CDK17: variants seen among roughly 807,000 people sequenced by gnomAD.
The protein encoded by CDK17 is cyclin dependent kinase 17.
Under a neutral mutation model 77.6 loss-of-function variants are expected in CDK17, and 24 were observed. That is an observed-to-expected ratio of 0.31 (90% CI 0.22 to 0.44). The LOEUF is 0.44. Ranked by LOEUF, CDK17 falls within the 20% of genes least tolerant of loss-of-function variation. The pLI, the probability that CDK17 is intolerant of heterozygous loss-of-function variation, is 1.00. For missense variants in CDK17, 429 were observed against 622.5 expected, an observed-to-expected ratio of 0.69 and a Z score of 3.31; for synonymous variants, 203 against 210.4, an observed-to-expected ratio of 0.96 and a Z score of 0.30.
intron 15 of CDK17, 85 bp from the exon 16 acceptor site, chr12:96,280,970 A>G: frequency 1.1e-5 from 12 of 1,100,384 alleles, no homozygotes; most frequent in Non-Finnish European, 1.6e-5. Context: ...TTTATAAAGC[A>G]TATACTGATT....
chr12:96,337,008 C>T (rs1022655695), intron 1 of CDK17, among the ~76,000 whole-genome samples: 2 of 152,124 alleles, frequency 1.3e-5, no homozygotes, highest in Non-Finnish European at 2.9e-5. Context: ...TTATCATATG[C>T]ATATGTATAC....
At chr12:96,347,525 T>G (rs541573045) in intron 1 of CDK17, among the ~76,000 whole-genome samples, 1 of 144,840 alleles carries the variant, frequency 6.9e-6, no homozygotes, top group African/African-American at 2.6e-5. Context: ...AGGATCACAC[T>G]CCAGCCTGGA....
At chr12:96,376,747 AGAGTT>A (rs1953787401) in intron 1 of CDK17, among the ~76,000 whole-genome samples, 1 of 152,256 alleles carries the variant, frequency 6.6e-6, no homozygotes, top group African/African-American at 2.4e-5. Flanking sequence ...ATTATAAAAT[AGAGTT>A]TAGTAATCAG....
At chr12:96,280,334 A>G (rs1952159268) in intron 16 of CDK17, 55 bp from the exon 17 acceptor site, 3 of 1,542,772 alleles carry the variant, frequency 1.9e-6, no homozygotes, top group Non-Finnish European at 2.6e-6. Context: ...TATCCCACAT[A>G]CAGTTATTTG....
At chr12:96,356,690 A>C (rs1257596670) in intron 1 of CDK17, among the ~76,000 whole-genome samples, 1 of 152,372 alleles carries the variant, frequency 6.6e-6, no homozygotes, top group South Asian at 2.1e-4. Context: ...GTAAGAACTT[A>C]GACAAAAATA....
rs1180990129 is a variant in CDK17 at position 96,319,130 on chromosome 12, C to A, written c.283+4818G>T. Among the ~76,000 whole-genome samples the A allele has an allele frequency of 1.0e-3, 151 of 148,840 alleles. 2 individuals carry two copies. The highest frequency in any genetic ancestry group is 1.2e-3 in the Non-Finnish European group (83 of 66,726). On this transcript the variant is annotated intron_variant, in intron 3 of 16. Coordinates refer to ENST00000261211, the MANE Select transcript of CDK17 (RefSeq NM_002595.5). Reference sequence around the variant, plus strand: ...GATAAAGGGGATATCACCACTGATCCCACAGAAATACAAACTACCATCAGA... The same window carrying A: ...GATAAAGGGGATATCACCACTGATCACACAGAAATACAAACTACCATCAGA...
At chr12:96,393,798 T>C (rs929668422) in intron 1 of CDK17, among the ~76,000 whole-genome samples, 5 of 152,088 alleles carry the variant, frequency 3.3e-5, no homozygotes, top group Non-Finnish European at 7.3e-5. Context: ...GAAATAACAT[T>C]ACAAGTCAAT....
intron 1 of CDK17, among the ~76,000 whole-genome samples, chr12:96,349,725 G>C (rs1412823560): frequency 6.6e-6 from 1 of 152,098 alleles, no homozygotes; most frequent in Non-Finnish European, 1.5e-5. Flanking sequence ...AAAGATGCCT[G>C]CTTTCACCAC....
intron 1 of CDK17, among the ~76,000 whole-genome samples, chr12:96,340,570 T>C (rs1249872900): frequency 6.6e-6 from 1 of 152,178 alleles, no homozygotes; most frequent in Non-Finnish European, 1.5e-5. Context: ...TGAAATAGGT[T>C]CCCTGACATT....
At chr12:96,357,308 T>A (rs1020949861) in intron 1 of CDK17, among the ~76,000 whole-genome samples, 2 of 151,816 alleles carry the variant, frequency 1.3e-5, no homozygotes, top group African/African-American at 4.8e-5. Context: ...AAAAAAAATT[T>A]AAAAATAGCC....
intron 1 of CDK17, among the ~76,000 whole-genome samples, chr12:96,343,413 T>G (rs1029601706): frequency 3.3e-5 from 5 of 152,202 alleles, no homozygotes; most frequent in Non-Finnish European, 7.3e-5. Context: ...TGGGAGAATT[T>G]TGTCCTCCAA....
chr12:96,362,529 T>G (rs1447387430), intron 1 of CDK17, among the ~76,000 whole-genome samples: 2 of 152,122 alleles, frequency 1.3e-5, no homozygotes, highest in Admixed American at 6.6e-5. Context: ...TCCACTTTGA[T>G]TTTTATAAAA....
intron 1 of CDK17, among the ~76,000 whole-genome samples, chr12:96,362,979 G>GA (rs1953519405): frequency 6.6e-6 from 1 of 152,076 alleles, no homozygotes; most frequent in African/African-American, 2.4e-5. Flanking sequence ...GATGAAAGAA[G>GA]AAAGACCTCA....
rs549025698 is a variant in CDK17, at chr12:96,337,293, T to C, written c.-29-2428A>G. ...CGTTTTTTGCTCATCTCTTATGCCT[T>C]GCTCAGCTTTTATCTTCTTACCCCC... On this transcript the variant is annotated intron_variant, in intron 1 of 16. Coordinates refer to ENST00000261211, the MANE Select transcript of CDK17 (RefSeq NM_002595.5). Among the ~76,000 whole-genome samples, 3 of 152,134 alleles carry C rather than the reference T, an allele frequency of 2.0e-5. No individual in the cohort carries two copies. The South Asian group carries it at 6.2e-4, about 32-fold the overall frequency.
intron 1 of CDK17, among the ~76,000 whole-genome samples, chr12:96,391,125 TACATAA>T (rs1189570412): frequency 6.6e-6 from 1 of 151,876 alleles, no homozygotes; most frequent in Non-Finnish European, 1.5e-5. Flanking sequence ...GTCAACTGTA[TACATAA>T]ACTACCACAG....
chr12:96,325,078 T>C (rs117243894), intron 2 of CDK17, among the ~76,000 whole-genome samples: 2,109 of 152,324 alleles, frequency 0.014, 28 homozygotes, highest in Non-Finnish European at 0.02. Flanking sequence ...CAGGAATCTC[T>C]TGACTCCTTT....
At chr12:96,384,743 A>G (rs989332464) in intron 1 of CDK17, among the ~76,000 whole-genome samples, 5 of 152,176 alleles carry the variant, frequency 3.3e-5, no homozygotes, top group African/African-American at 4.8e-5. Context: ...ACAGCTGAGC[A>G]GGGTGGCTAA....
chr12:96,369,797 T>C (rs1335480472), intron 1 of CDK17, among the ~76,000 whole-genome samples: 1 of 151,830 alleles, frequency 6.6e-6, no homozygotes, highest in Non-Finnish European at 1.5e-5. Context: ...ATAAATAAAA[T>C]AGGTCTGGCG....
At chr12:96,289,414 C>A in intron 10 of CDK17, 127 bp from the exon 11 acceptor site, 1 of 954,074 alleles carries the variant, frequency 1.0e-6, no homozygotes, top group Non-Finnish European at 1.6e-6. Context: ...TGAGGCTTCA[C>A]CACTATTAAC....
Sources: gnomAD v4.1 joint callset for allele counts (sites outside exome capture counted in the v4.1 genomes callset) on GRCh38, gnomAD v4.1.1 for gene constraint, MANE v1.5 for transcripts, NCBI Gene and HGNC (gene_info 2026-07-23, HGNC 2026-07-21) for gene names.